Variants in NCALD observed in about 807,000 individuals in gnomAD.
NCALD encodes neurocalcin delta, also known as neurocalcin-delta.
NCALD carries 10 observed loss-of-function variants against 18.6 expected under a neutral mutation model. The ratio of observed to expected loss-of-function variants is 0.54; its 90% CI spans 0.33 to 0.91. The LOEUF (loss-of-function observed/expected upper bound fraction) is 0.91, where lower values mean the gene tolerates loss of function less well. Among genes scored for constraint, NCALD ranks in the 40% least tolerant of loss-of-function variants. NCALD has a pLI of 0.03. For synonymous variants in NCALD, 88 were observed against 87.4 expected, an observed-to-expected ratio of 1.01 and a Z score of -0.04; for missense variants, 184 against 247.6, an observed-to-expected ratio of 0.74 and a Z score of 1.72.
chr8:102,041,872 A>G (rs1296575587), intron 1 of NCALD, among the ~76,000 whole-genome samples: 1 of 152,006 alleles, frequency 6.6e-6, no homozygotes, highest in Non-Finnish European at 1.5e-5. Flanking sequence ...ATTTTGATCG[A>G]AGAAAAATGT....
chr8:102,020,251 C>G (rs1822228424), exon 2 of NCALD: 1 of 152,004 alleles, frequency 6.6e-6, no homozygotes, highest in Non-Finnish European at 1.5e-5. Context: ...TGGTAGATCT[C>G]TCACAGCACA....
chr8:102,073,892 C>T lies in NCALD; in HGVS notation c.-210+50345G>A, dbSNP rs146597492. On this transcript the variant is annotated intron_variant, in intron 1 of 6. Coordinates refer to the NCALD transcript ENST00000311028. ...CACCACAGGTTCTCCTTTGTTCTCA[C>T]ATAAGGTAGCCAGAGTTGCACTAGA... Among the ~76,000 whole-genome samples, 242 of 152,338 alleles carry T rather than the reference C, an allele frequency of 1.6e-3. 1 individual carries two copies. Among genetic ancestry groups the T allele is most frequent in the African/African-American group, 5.6e-3 (231 of 41,576 alleles).
At chr8:101,901,491 T>C (rs1817420359) in intron 3 of NCALD, among the ~76,000 whole-genome samples, 1 of 152,130 alleles carries the variant, frequency 6.6e-6, no homozygotes, top group Non-Finnish European at 1.5e-5. Flanking sequence ...ATTCCATTTT[T>C]ATTTATCTAT....
intron 4 of NCALD, among the ~76,000 whole-genome samples, chr8:101,850,162 A>C (rs574801856): frequency 1.5e-4 from 23 of 152,244 alleles, no homozygotes; most frequent in African/African-American, 5.3e-4. Context: ...AAGGAGTGTC[A>C]CAGGCCCGGG....
At chr8:101,707,614 G>A (rs77209321) in intron 2 of NCALD, among the ~76,000 whole-genome samples, 3,937 of 152,308 alleles carry the variant, frequency 0.026, 135 homozygotes, top group African/African-American at 0.078. Context: ...AAGGTGTGAA[G>A]TGTATACTGG....
At chr8:101,791,487 A>G (rs765771344), upstream of NCALD, among the ~76,000 whole-genome samples, 2 of 152,188 alleles carry the variant, frequency 1.3e-5, no homozygotes, top group African/African-American at 2.4e-5. Flanking sequence ...ACTATATCAG[A>G]GTCTACATGG....
intron 4 of NCALD, among the ~76,000 whole-genome samples, chr8:101,842,183 A>T (rs949826235): frequency 1.3e-5 from 2 of 152,090 alleles, no homozygotes; most frequent in African/African-American, 4.8e-5. Context: ...TAAGGATACG[A>T]GTCATACTGG....
chr8:101,907,854 T>C (rs1817660956), intron 3 of NCALD, among the ~76,000 whole-genome samples: 1 of 152,216 alleles, frequency 6.6e-6, no homozygotes, highest in South Asian at 2.1e-4. Context: ...GCATTTAAAA[T>C]ACTTGAATGT....
At chr8:101,753,453 A>C (rs1271561911) in intron 1 of NCALD, among the ~76,000 whole-genome samples, 4 of 152,212 alleles carry the variant, frequency 2.6e-5, no homozygotes, top group African/African-American at 9.7e-5. Flanking sequence ...CTGTTAACAA[A>C]AACTTGATTT....
intron 2 of NCALD, among the ~76,000 whole-genome samples, chr8:101,992,204 C>T (rs972259673): frequency 7.9e-5 from 12 of 152,110 alleles, no homozygotes; most frequent in African/African-American, 2.4e-4. Flanking sequence ...CTCAAATGTC[C>T]GGTGGGCTTG....
chr8:101,696,316 A>G (rs570528409), intron 2 of NCALD, among the ~76,000 whole-genome samples: 1 of 152,348 alleles, frequency 6.6e-6, no homozygotes, highest in Admixed American at 6.5e-5. Context: ...TAGTAAAATA[A>G]AGAAATACAT....
intron 1 of NCALD, among the ~76,000 whole-genome samples, chr8:101,743,165 T>C (rs1365176331): frequency 6.6e-6 from 1 of 152,238 alleles, no homozygotes; most frequent in Non-Finnish European, 1.5e-5. Flanking sequence ...CTATGCACTT[T>C]AGCACATGAG....
At chr8:102,060,339 T>G (rs557274573) in intron 1 of NCALD, among the ~76,000 whole-genome samples, 8 of 152,320 alleles carry the variant, frequency 5.3e-5, no homozygotes, top group South Asian at 2.1e-4. Context: ...GAGAACATAC[T>G]TTGAGAATCA....
rs575532268 is a variant in NCALD at position 101,712,811 on chromosome 8, C to G, written c.378+6441G>C. Among the ~76,000 whole-genome samples the G allele has an allele frequency of 4.6e-5, 7 of 152,224 alleles. No individual in the cohort carries two copies. The East Asian group carries it at 1.4e-3, about 29-fold the overall frequency. On this transcript the variant is annotated intron_variant, in intron 2 of 3. Transcript: ENST00000220931. ...TTAGAGACCTACAAAGAGACTTATA[C>G]TCCCACACAATAATAGTGGGAGACT... is the stretch of plus-strand genomic sequence containing the variant.
intron 1 of NCALD, among the ~76,000 whole-genome samples, chr8:102,087,064 A>G (rs1824761467): frequency 6.6e-6 from 1 of 152,194 alleles, no homozygotes; most frequent in African/African-American, 2.4e-5. Context: ...AAAATGGGCA[A>G]CCAGCAGCCC....
chr8:101,742,416 A>C (rs1810243622), intron 1 of NCALD, among the ~76,000 whole-genome samples: 1 of 152,216 alleles, frequency 6.6e-6, no homozygotes, highest in African/African-American at 2.4e-5. Flanking sequence ...GATACAGAGC[A>C]CTATGCTAAT....
chr8:101,828,033 A>G (rs895708671), intron 4 of NCALD, among the ~76,000 whole-genome samples: 2 of 152,218 alleles, frequency 1.3e-5, no homozygotes, highest in African/African-American at 2.4e-5. Context: ...TTTTAATGTA[A>G]CATAGCAATT....
At chr8:102,031,634 G>T (rs1432919313) in intron 1 of NCALD, among the ~76,000 whole-genome samples, 1 of 152,166 alleles carries the variant, frequency 6.6e-6, no homozygotes, top group East Asian at 1.9e-4. Context: ...TCTCCATCAG[G>T]CTCCTTGAAA....
chr8:101,759,046 A>G (rs888960456), intron 1 of NCALD, among the ~76,000 whole-genome samples: 2 of 152,196 alleles, frequency 1.3e-5, no homozygotes, highest in African/African-American at 2.4e-5. Flanking sequence ...ATTTATAGGA[A>G]CCTGGCATTG....
Sources: gnomAD v4.1 joint callset for allele counts (sites outside exome capture counted in the v4.1 genomes callset) on GRCh38, gnomAD v4.1.1 for gene constraint, MANE v1.5 for transcripts, NCBI Gene and HGNC (gene_info 2026-07-23, HGNC 2026-07-21) for gene names.